The following MIA2 variants were observed in gnomAD, a reference collection of about 807,000 sequenced individuals.
MIA2 encodes melanoma inhibitory activity protein 2.
A neutral mutation model predicts 167.8 loss-of-function variants in MIA2; 127 were observed. The ratio of observed to expected loss-of-function variants is 0.76; its 90% CI spans 0.66 to 0.88. The LOEUF is 0.88. Among genes scored for constraint, MIA2 ranks in the 40% least tolerant of loss-of-function variants. The pLI is 0.00. For synonymous variants in MIA2, 552 were observed against 541.9 expected (o/e 1.02, Z -0.26); for missense variants, 1,690 against 1,624.7 (o/e 1.04, Z -0.69).
intron 23 of MIA2, among the ~76,000 whole-genome samples, chr14:39,384,301 A>G (rs961139855): frequency 6.6e-6 from 1 of 152,174 alleles, no homozygotes; most frequent in African/African-American, 2.4e-5. Context: ...TGTATACAGC[A>G]TGGTTTACTC....
chr14:39,347,115 A>G (rs776483961), intron 26 of MIA2, among the ~76,000 whole-genome samples: 4 of 152,060 alleles, frequency 2.6e-5, no homozygotes, highest in Admixed American at 6.6e-5. Flanking sequence ...GGCTGAAGTC[A>G]TGGACTTTGG....
At chr14:39,300,749 T>G (rs1431664875) in intron 14 of MIA2, among the ~76,000 whole-genome samples, 2 of 151,636 alleles carry the variant, frequency 1.3e-5, no homozygotes, top group Non-Finnish European at 2.9e-5. Flanking sequence ...CACACCAACA[T>G]GGCACAGGTA....
chr14:39,237,099 A>G (rs754250923), intron 2 of MIA2, 44 bp downstream of exon 2: 1 of 1,597,818 alleles, frequency 6.3e-7, no homozygotes, highest in Non-Finnish European at 8.5e-7. Flanking sequence ...TAAATGACCA[A>G]CTTGCACAAA....
In MIA2 at chr14:39,247,612, A is replaced by G. The variant is rs369148376; in HGVS notation, c.1038A>G (p.Ser346=). 23 of 1,613,858 alleles carry G rather than the reference A, an allele frequency of 1.4e-5. No homozygotes were observed. The highest frequency in any genetic ancestry group is 1.3e-4 in the South Asian group (12 of 91,032). ...TACAAGATTTTCCCAATTCCATATC[A>G]TCTGATAAAGAAGCCACAGTTCCAT... ...PPLQDFPNSI[S]SDKEATVPCT... is the part of the protein sequence containing the mutation. The change falls in exon 4 of 29, where the codon TCA becomes TCG. Residue 346 remains serine, a synonymous_variant. Coordinates refer to ENST00000640607, the MANE Select transcript of MIA2 (RefSeq NM_001329214.4).
intron 18 of MIA2, among the ~76,000 whole-genome samples, chr14:39,309,554 C>G (rs922106412): frequency 1.3e-5 from 2 of 152,118 alleles, no homozygotes; most frequent in Admixed American, 1.3e-4. Flanking sequence ...TTTTATTAGG[C>G]CTGGGTTCAA....
At chr14:39,368,713 C>T (rs930421670) in intron 23 of MIA2, among the ~76,000 whole-genome samples, 2 of 134,256 alleles carry the variant, frequency 1.5e-5, no homozygotes, top group Non-Finnish European at 1.6e-5. Flanking sequence ...TAATTTTTGA[C>T]CCATAGGTAA....
At chr14:39,294,240 C>G (rs207474671) in intron 12 of MIA2, among the ~76,000 whole-genome samples, 169 bp downstream of exon 12, 23 of 151,854 alleles carry the variant, frequency 1.5e-4, no homozygotes, top group South Asian at 8.3e-4. Context: ...CTGTGTTGCC[C>G]AGGCTGGAGT....
At chr14:39,342,369 C>G (rs897189885) in intron 25 of MIA2, among the ~76,000 whole-genome samples, 2 of 152,210 alleles carry the variant, frequency 1.3e-5, no homozygotes, top group African/African-American at 4.8e-5. Context: ...GCATAGTATT[C>G]CATGGTGTAT....
intron 4 of MIA2, among the ~76,000 whole-genome samples, chr14:39,251,247 C>T (rs891222921): frequency 6.6e-5 from 10 of 152,052 alleles, no homozygotes; most frequent in Non-Finnish European, 1.0e-4. Flanking sequence ...AACTAGGGAA[C>T]GGTTATTTAT....
intron 18 of MIA2, among the ~76,000 whole-genome samples, chr14:39,309,020 C>G (rs1219707768): frequency 6.6e-6 from 1 of 152,182 alleles, no homozygotes; most frequent in South Asian, 2.1e-4. Flanking sequence ...CTTAGGGTGG[C>G]ACCTCAAGCT....
At chr14:39,236,605 GA>G (rs2053758179) in intron 1 of MIA2, among the ~76,000 whole-genome samples, 1 of 152,206 alleles carries the variant, frequency 6.6e-6, no homozygotes, top group Non-Finnish European at 1.5e-5. Context: ...CTACAGACTA[GA>G]GAATGATAAT....
At position 39,346,003 on chromosome 14, in the gene MIA2, A is replaced by G. The variant is rs755280169; in HGVS notation, c.3755A>G (p.Asn1252Ser). 2.2e-5 allele frequency: 35 copies of G among 1,612,826 alleles called. No homozygotes were observed. Among genetic ancestry groups the G allele is most frequent in the Non-Finnish European group, 3.0e-5 (35 of 1,179,020 alleles). Residue 1252 changes from asparagine to serine, a missense_variant, in exon 26 of 29, where the codon AAT becomes AGT. Coordinates refer to ENST00000640607, the MANE Select transcript of MIA2 (RefSeq NM_001329214.4). ...GGACCAGCAGAACTCAGAAGTTTTA[A>G]TATGCCTTCTTTGGATAAAATGGGT... Reference protein sequence around the residue: ...LSGPAELRSFNMPSLDKMDGS... With the variant: ...LSGPAELRSFSMPSLDKMDGS...
chr14:39,269,445 C>T (rs1199336241), intron 6 of MIA2, among the ~76,000 whole-genome samples: 2 of 151,808 alleles, frequency 1.3e-5, no homozygotes, highest in Non-Finnish European at 2.9e-5. Flanking sequence ...GGCCTTTTGT[C>T]TGGCTTCTTT....
chr14:39,320,848 A>G, intron 23 of MIA2, 80 bp from the exon 24 acceptor site: 1 of 1,456,932 alleles, frequency 6.9e-7, no homozygotes, highest in Middle Eastern at 2.0e-4. Context: ...ACCTGATGGT[A>G]ATTGTCGAAA....
chr14:39,276,629 G>A lies in MIA2; in HGVS notation c.1888-305G>A, dbSNP rs567078048. Reference sequence around the variant, plus strand: ...TAAAACCTGAACTGGTTGAAATCAGGGTAAGAGTACCTGAACCCTAGGTCA... The same window carrying A: ...TAAAACCTGAACTGGTTGAAATCAGAGTAAGAGTACCTGAACCCTAGGTCA... On this transcript the variant is annotated intron_variant, in intron 6 of 28. Transcript: ENST00000640607. The A allele has an allele frequency of 1.9e-4, 48 of 255,122 alleles. No homozygotes were observed. The South Asian group carries it at 2.4e-3, about 13-fold the overall frequency. 15.8% of individuals were successfully genotyped at this position (255,122 alleles called of 1,614,324 possible).
At chr14:39,379,741 A>G (rs1041522758) in intron 23 of MIA2, among the ~76,000 whole-genome samples, 1 of 152,090 alleles carries the variant, frequency 6.6e-6, no homozygotes, top group African/African-American at 2.4e-5. Flanking sequence ...AATCCCAGTT[A>G]TCAGGAGGCT....
chr14:39,252,843 T>G lies in MIA2; in HGVS notation c.1663T>G (p.Ser555Ala). The G allele has an allele frequency of 6.2e-7, 1 of 1,614,004 alleles. No homozygotes were observed. The highest frequency in any genetic ancestry group is 8.5e-7 in the Non-Finnish European group (1 of 1,179,922). Residue 555 changes from serine (S) to alanine (A), a missense_variant, in exon 5 of 29, where the codon TCA becomes GCA. Ser to Ala is a moderately conservative substitution (Grantham distance 99). Coordinates refer to ENST00000640607, the MANE Select transcript of MIA2 (RefSeq NM_001329214.4). ...AGATAGTGATGAAAATTCGAAACCA[T>G]CAGTAGACACCGAAGGGCCTGCTCT... Reference protein sequence around the residue: ...SKDSDENSKPSVDTEGPALVE... With the variant: ...SKDSDENSKPAVDTEGPALVE...
At chr14:39,269,812 C>T (rs779644265) in intron 6 of MIA2, among the ~76,000 whole-genome samples, 6 of 152,148 alleles carry the variant, frequency 3.9e-5, no homozygotes, top group Non-Finnish European at 7.3e-5. Context: ...TGAGCCACTT[C>T]GCCTGGCCCT....
At chr14:39,287,111 T>C (rs765491973) in intron 9 of MIA2, among the ~76,000 whole-genome samples, 66 of 151,898 alleles carry the variant, frequency 4.3e-4, no homozygotes, top group Non-Finnish European at 8.5e-4. Flanking sequence ...TCTCACTCTG[T>C]TGCCCAGGCT....
Sources: gnomAD v4.1 joint callset for allele counts (sites outside exome capture counted in the v4.1 genomes callset) on GRCh38, gnomAD v4.1.1 for gene constraint, MANE v1.5 for transcripts, NCBI Gene and HGNC (gene_info 2026-07-23, HGNC 2026-07-21) for gene names.